Variants in NUTM2E observed in about 807,000 individuals in gnomAD.
The protein encoded by NUTM2E is family with sequence similarity 22, member E.
Under a neutral mutation model 26.1 loss-of-function variants are expected in NUTM2E, and 3 were observed. That is an observed-to-expected ratio of 0.12 (90% CI 0.05 to 0.30). The LOEUF is 0.30. Ranked by LOEUF, NUTM2E falls within the 10% of genes least tolerant of loss-of-function variation. The pLI is 1.00. For missense variants in NUTM2E, 62 were observed against 381.3 expected (o/e 0.16, Z 6.97); for synonymous variants, 13 against 157.5 (o/e 0.08, Z 6.87).
rs944503360 is a variant in NUTM2E, at chr10:79,830,351, A to G, written c.-2728+2994A>G. On this transcript the variant is annotated intron_variant, in intron 1 of 9. Transcript: ENST00000429984. ...AAGAAAATGTAGGTATTTTAGTGGAATAAGAATGTGATATATGAAAACAGA... is the reference window on the plus strand; with the variant it reads ...AAGAAAATGTAGGTATTTTAGTGGAGTAAGAATGTGATATATGAAAACAGA... 5.5e-4 allele frequency among the ~76,000 whole-genome samples: 83 copies of G among 151,892 alleles called. 1 individual carries two copies. The highest frequency in any genetic ancestry group is 5.0e-4 in the Non-Finnish European group (34 of 67,872).
In NUTM2E at chr10:79,836,339, TA is replaced by T. The variant is rs201644144; in HGVS notation, c.-2727-1961del. ...CATAGTATAGTACTTTGGGTTTGTC[TA>T]AAAAAAAATTCATTTACAAATACTA... On this transcript the variant is annotated intron_variant, in intron 1 of 9. Coordinates refer to ENST00000429984, the MANE Select transcript of NUTM2E (RefSeq NM_001355263.2). Among the ~76,000 whole-genome samples the T allele has an allele frequency of 3.2e-4, 49 of 151,410 alleles. 2 individuals are homozygous for T. The highest frequency in any genetic ancestry group is 1.1e-3 in the African/African-American group (45 of 41,336).
chr10:79,832,336 C>A (rs1460645516), intron 1 of NUTM2E, among the ~76,000 whole-genome samples: 1 of 151,412 alleles, frequency 6.6e-6, no homozygotes, highest in Non-Finnish European at 1.5e-5. Flanking sequence ...GTATGTTTAT[C>A]GTGGGGAAGA....
chr10:79,836,494 T>C (rs1841964363), intron 1 of NUTM2E, among the ~76,000 whole-genome samples: 1 of 151,946 alleles, frequency 6.6e-6, no homozygotes, highest in Non-Finnish European at 1.5e-5. Context: ...ATGCAAAAGG[T>C]ACATCATAAA....
chr10:79,831,334 A>G (rs979232710), intron 1 of NUTM2E, among the ~76,000 whole-genome samples: 1 of 151,348 alleles, frequency 6.6e-6, no homozygotes, highest in Admixed American at 6.6e-5. Context: ...ATATACTTAA[A>G]ATACTTAAAT....
intron 6 of NUTM2E, among the ~76,000 whole-genome samples, chr10:79,847,699 G>A (rs1842029804): frequency 1.6e-5 from 1 of 64,492 alleles, no homozygotes; most frequent in African/African-American, 5.8e-5. Context: ...GTGGCCCTGA[G>A]TTGAGTCAGG....
intron 1 of NUTM2E, among the ~76,000 whole-genome samples, chr10:79,835,435 G>A (rs1463090618): frequency 3.3e-5 from 4 of 121,602 alleles, no homozygotes; most frequent in Non-Finnish European, 5.3e-5. Context: ...AACAAATTTA[G>A]CAATATTTGC....
At chr10:79,829,525 A>G (rs1358638083) in intron 1 of NUTM2E, among the ~76,000 whole-genome samples, 5 of 151,988 alleles carry the variant, frequency 3.3e-5, no homozygotes, top group Non-Finnish European at 7.4e-5. Context: ...GTAGCACTAC[A>G]CTGAACTATA....
At position 79,840,961 on chromosome 10, in the gene NUTM2E, T is replaced by C. The variant is rs377943; in HGVS notation, c.-780T>C. 7.1e-3 allele frequency among the ~76,000 whole-genome samples: 1,020 copies of C among 142,914 alleles called. 11 individuals are homozygous for C. Among genetic ancestry groups the C allele is most frequent in the African/African-American group, 0.022 (816 of 37,470 alleles). 93.8% of individuals were successfully genotyped at this position (142,914 alleles called of 152,430 possible). Reference sequence around the variant, plus strand: ...TGAGTGCTCTTTCCTATCATTTTGATACTAATAAACGGACAGTGATTCTCA... The same window carrying C: ...TGAGTGCTCTTTCCTATCATTTTGACACTAATAAACGGACAGTGATTCTCA... On this transcript the variant is annotated 5_prime_UTR_variant, in exon 4 of 10. Transcript: ENST00000429984.
intron 1 of NUTM2E, among the ~76,000 whole-genome samples, chr10:79,828,354 A>G (rs2132411204): frequency 6.6e-6 from 1 of 151,984 alleles, no homozygotes; most frequent in Non-Finnish European, 1.5e-5. Flanking sequence ...GAGGCTTTTA[A>G]CTGAAAGTCT....
chr10:79,840,753 G>A lies in NUTM2E; in HGVS notation c.-988G>A, dbSNP rs562031203. On this transcript the variant is annotated 5_prime_UTR_variant, in exon 4 of 10. The change creates a new upstream start codon in the 5' untranslated region. Coordinates refer to ENST00000429984, the MANE Select transcript of NUTM2E (RefSeq NM_001355263.2). ...GTGTGTTTCAGTGAATGTTTGCAGTGTGCACCGGTCTGGCTGAAGGCCTCT... is the reference window on the plus strand; with the variant it reads ...GTGTGTTTCAGTGAATGTTTGCAGTATGCACCGGTCTGGCTGAAGGCCTCT... 1.2e-4 allele frequency among the ~76,000 whole-genome samples: 17 copies of A among 146,974 alleles called. No homozygotes were observed. Among genetic ancestry groups the A allele is most frequent in the Non-Finnish European group, 2.3e-4 (15 of 66,610 alleles).
intron 1 of NUTM2E, among the ~76,000 whole-genome samples, 95 bp from the exon 2 acceptor site, chr10:79,838,214 C>A (rs1208885708): frequency 7.2e-6 from 1 of 138,806 alleles, no homozygotes; most frequent in Non-Finnish European, 1.6e-5. Flanking sequence ...CTCATGGAAG[C>A]TTTTCTTGAC....
intron 1 of NUTM2E, among the ~76,000 whole-genome samples, chr10:79,830,577 A>G (rs945104041): frequency 2.6e-5 from 4 of 151,780 alleles, no homozygotes; most frequent in Admixed American, 6.6e-5. Context: ...TTGTGATGCC[A>G]TAGAAAAAAT....
chr10:79,840,005 A>AT lies in NUTM2E; in HGVS notation c.-1730dup, dbSNP rs1279494918. On this transcript the variant is annotated 5_prime_UTR_variant, in exon 4 of 10. It introduces an in-frame stop codon into an upstream open reading frame of the 5' UTR. Transcript: ENST00000429984. ...TTAAGACAAGACACTTCCACAATAT[A>AT]TTTTTTGTATCACTGGCTCAGAAAA... Among the ~76,000 whole-genome samples the AT allele has an allele frequency of 6.7e-6, 1 of 148,530 alleles. No individual in the cohort carries two copies. Among genetic ancestry groups the AT allele is most frequent in the African/African-American group, 2.5e-5 (1 of 39,470 alleles).
At chr10:79,834,482 C>T (rs1404390484) in intron 1 of NUTM2E, among the ~76,000 whole-genome samples, 1 of 151,462 alleles carries the variant, frequency 6.6e-6, no homozygotes, top group African/African-American at 2.4e-5. Context: ...AGGCGGATCA[C>T]CTGAGGTTAG....
At chr10:79,836,138 T>C (rs915217003) in intron 1 of NUTM2E, among the ~76,000 whole-genome samples, 1 of 151,588 alleles carries the variant, frequency 6.6e-6, no homozygotes, top group African/African-American at 2.4e-5. Context: ...ATGTATTTGG[T>C]ACTAAGTTTC....
At position 79,840,447 on chromosome 10, in the gene NUTM2E, A is replaced by G. The variant is rs201415060; in HGVS notation, c.-1294A>G. 0.088 allele frequency among the ~76,000 whole-genome samples: 12,621 copies of G among 142,682 alleles called. 545 individuals carry two copies. Among genetic ancestry groups the G allele is most frequent in the East Asian group, 0.19 (928 of 4,836 alleles). The allele number at this position is 142,682 out of a possible 152,430, so 93.6% of individuals were successfully genotyped here. ...ACTGCATGGAGGTCACTCCCCTCCC[A>G]GTGGCCACTGTGGAGACATTTCACA... On this transcript the variant is annotated 5_prime_UTR_variant, in exon 4 of 10. Transcript: ENST00000429984.
intron 1 of NUTM2E, among the ~76,000 whole-genome samples, chr10:79,830,580 G>GA (rs1841921485): frequency 6.6e-6 from 1 of 151,570 alleles, no homozygotes; most frequent in Non-Finnish European, 1.5e-5. Context: ...TGATGCCATA[G>GA]AAAAAATTCA....
intron 1 of NUTM2E, among the ~76,000 whole-genome samples, chr10:79,828,637 G>C (rs1824414492): frequency 6.6e-6 from 1 of 151,874 alleles, no homozygotes; most frequent in African/African-American, 2.4e-5. Flanking sequence ...TTTTGAATGA[G>C]GGGCCATACA....
intron 1 of NUTM2E, among the ~76,000 whole-genome samples, chr10:79,829,491 G>T (rs1184720586): frequency 1.3e-5 from 2 of 151,874 alleles, no homozygotes; most frequent in Admixed American, 1.3e-4. Flanking sequence ...AACCCAATCA[G>T]CTGTGTCCTC....
Sources: gnomAD v4.1 joint callset for allele counts (sites outside exome capture counted in the v4.1 genomes callset) on GRCh38, gnomAD v4.1.1 for gene constraint, MANE v1.5 for transcripts, NCBI Gene and HGNC (gene_info 2026-07-23, HGNC 2026-07-21) for gene names.